Variants in KANK1 observed in about 807,000 individuals in gnomAD.
KANK1 encodes the protein KN motif and ankyrin repeat domains 1, also known as KN motif and ankyrin repeat domain-containing protein 1.
KANK1 carries 109 observed loss-of-function variants against 106.2 expected under a neutral mutation model. The observed-to-expected ratio is 1.03, with a 90% CI of 0.88 to 1.20. The LOEUF (loss-of-function observed/expected upper bound fraction) is 1.20, where lower values mean the gene tolerates loss of function less well. Ranked by LOEUF, KANK1 falls within the 50% of genes most tolerant of loss-of-function variation. The pLI is 0.00. For missense variants in KANK1, 2,399 were observed against 1,710.7 expected, an observed-to-expected ratio of 1.40 and a Z score of -7.10; for synonymous variants, 873 against 652.2, an observed-to-expected ratio of 1.34 and a Z score of -5.16.
chr9:727,391 C>G (rs1311817207), intron 3 of KANK1, among the ~76,000 whole-genome samples: 1 of 151,870 alleles, frequency 6.6e-6, no homozygotes, highest in Admixed American at 6.6e-5. Context: ...TCTTGGCTCA[C>G]TGCAACCTCT....
At chr9:545,353 G>A (rs946753700) in intron 1 of KANK1, among the ~76,000 whole-genome samples, 3 of 152,182 alleles carry the variant, frequency 2.0e-5, no homozygotes, top group Non-Finnish European at 2.9e-5. Context: ...GGAAATGTGA[G>A]CTTGAACCCT....
At chr9:576,665 G>T (rs1404563872) in intron 1 of KANK1, among the ~76,000 whole-genome samples, 3 of 152,098 alleles carry the variant, frequency 2.0e-5, no homozygotes, top group African/African-American at 4.8e-5. Flanking sequence ...TGCAGTTTGT[G>T]TTGGAGATAC....
At chr9:479,510 G>C (rs184593072) in intron 3 of KANK1, among the ~76,000 whole-genome samples, 9 of 142,064 alleles carry the variant, frequency 6.3e-5, no homozygotes, top group African/African-American at 2.0e-4. Context: ...TGGGGACGGA[G>C]GGACTAAGGG....
chr9:540,136 C>G (rs998625272), intron 1 of KANK1, among the ~76,000 whole-genome samples: 2 of 152,274 alleles, frequency 1.3e-5, no homozygotes, highest in African/African-American at 2.4e-5. Context: ...AGGCTTTCAG[C>G]TTTTTACCAC....
intron 1 of KANK1, among the ~76,000 whole-genome samples, chr9:545,809 G>A (rs546327346): frequency 2.1e-5 from 3 of 144,972 alleles, no homozygotes; most frequent in East Asian, 2.1e-4. Flanking sequence ...GCAGTGACTC[G>A]ATCTCGGCTC....
At chr9:650,390 G>A (rs1840622264) in intron 1 of KANK1, among the ~76,000 whole-genome samples, 1 of 152,186 alleles carries the variant, frequency 6.6e-6, no homozygotes, top group South Asian at 2.1e-4. Flanking sequence ...GCAAGGGAAA[G>A]TGGCTTAAAG....
intron 2 of KANK1, among the ~76,000 whole-genome samples, chr9:678,648 C>T (rs1329850725): frequency 1.3e-5 from 2 of 152,230 alleles, no homozygotes; most frequent in Admixed American, 1.3e-4. Context: ...ATGGCTGGAA[C>T]CTGGGAGGCA....
chr9:740,791 G>C lies in KANK1; in HGVS notation c.3554-1G>C. ...AGACTTTTTTTTTTTTTTTTTTACA[G>C]ATGTGTGTAATGTGGATCACCAGAA... On this transcript the variant is annotated splice_acceptor_variant, in intron 8 of 11. Coordinates refer to ENST00000382297, the MANE Select transcript of KANK1 (RefSeq NM_015158.5). LOFTEE classifies it high-confidence loss of function. 6.4e-7 allele frequency: 1 copy of C among 1,569,076 alleles called. No individual in the cohort carries two copies. Among genetic ancestry groups the C allele is most frequent in the Non-Finnish European group, 8.6e-7 (1 of 1,158,444 alleles).
chr9:487,673 T>C (rs984753627), intron 3 of KANK1: 1 of 152,168 alleles, frequency 6.6e-6, no homozygotes, highest in Non-Finnish European at 1.5e-5. Context: ...CTAGAGGTAA[T>C]TGAGAAGCTG....
chr9:715,274 G>T (rs1244536382), intron 3 of KANK1, among the ~76,000 whole-genome samples: 1 of 152,182 alleles, frequency 6.6e-6, no homozygotes, highest in African/African-American at 2.4e-5. Context: ...CTCAAACAGA[G>T]TCTGCAAGAA....
rs1306618939 is a variant in KANK1 at position 744,935 on chromosome 9, T to G, written c.3997-238T>G. 3 of 1,436,162 alleles carry G rather than the reference T, an allele frequency of 2.1e-6. No individual in the cohort carries two copies. In the East Asian group the frequency reaches 7.5e-5, roughly 36 times the overall value. 89.0% of individuals were successfully genotyped at this position (1,436,162 alleles called of 1,614,324 possible). A position where few individuals can be genotyped will look rare whatever the true frequency, so the allele number is the denominator to read the frequency against. ...CCTGAAGCAGATGGCAGGCAGCCTG[T>G]AGTCCACAGTTCACTCTGAGTGGGA... On this transcript the variant is annotated intron_variant, in intron 11 of 11. Transcript: ENST00000382297.
At chr9:616,948 A>G (rs149335961) in intron 1 of KANK1, among the ~76,000 whole-genome samples, 4 of 152,210 alleles carry the variant, frequency 2.6e-5, no homozygotes, top group Admixed American at 2.0e-4. Context: ...GAGGGTGGGG[A>G]TATGTGATTC....
At chr9:602,309 G>A (rs1179933832) in intron 1 of KANK1, among the ~76,000 whole-genome samples, 1 of 151,536 alleles carries the variant, frequency 6.6e-6, no homozygotes, top group East Asian at 1.9e-4. Flanking sequence ...TGCCAGGCTG[G>A]TGTGCAGTGG....
chr9:649,420 C>G lies in KANK1; in HGVS notation c.-83-27470C>G, dbSNP rs144287308. 2.5e-3 allele frequency among the ~76,000 whole-genome samples: 377 copies of G among 152,262 alleles called. 6 individuals carry two copies. The East Asian group carries it at 0.032, about 13-fold the overall frequency. On this transcript the variant is annotated intron_variant, in intron 1 of 11. Transcript: ENST00000382297. The stretch of plus-strand genomic sequence containing the variant: ...AGAAGAAAATTAAATGAAGAGCCAG[C>G]AAATTAGTGAAATTGTACAGATGTG...
intron 1 of KANK1, among the ~76,000 whole-genome samples, chr9:585,991 T>A (rs1370349032): frequency 6.6e-6 from 1 of 152,166 alleles, no homozygotes; most frequent in African/African-American, 2.4e-5. Flanking sequence ...TTGGAAGTTA[T>A]AAGACAAGAG....
At chr9:520,304 A>C (rs997535366) in intron 1 of KANK1, among the ~76,000 whole-genome samples, 1 of 151,726 alleles carries the variant, frequency 6.6e-6, no homozygotes, top group Non-Finnish European at 1.5e-5. Flanking sequence ...ATACCACTGC[A>C]CTCCAGCCTG....
chr9:731,303 C>T (rs748578943), intron 5 of KANK1, 37 bp downstream of exon 5: 4 of 1,257,776 alleles, frequency 3.2e-6, no homozygotes, highest in South Asian at 1.2e-5. Context: ...CTAATGCTGT[C>T]AGTCTCCTTT....
intron 1 of KANK1, among the ~76,000 whole-genome samples, chr9:506,638 G>A (rs1183761368): frequency 6.6e-6 from 1 of 152,104 alleles, no homozygotes; most frequent in Non-Finnish European, 1.5e-5. Flanking sequence ...TGGCCCCAAA[G>A]AAAGAAACCA....
Position 676,940 on chromosome 9 carries a change from C to G in KANK1, c.-33C>G. On this transcript the variant is annotated 5_prime_UTR_variant, in exon 2 of 12. Coordinates refer to ENST00000382297, the MANE Select transcript of KANK1 (RefSeq NM_015158.5). The stretch of plus-strand genomic sequence containing the variant: ...CATAAAATTTGCATGACTCCTCACT[C>G]CTTTCTGGATCTCTCATTGGACTCA... The G allele has an allele frequency of 6.2e-7, 1 of 1,606,462 alleles. No individual in the cohort carries two copies.
Sources: allele counts gnomAD v4.1 joint callset (sites outside exome capture counted in the v4.1 genomes callset), GRCh38; gene constraint gnomAD v4.1.1; transcripts MANE v1.5; gene names NCBI Gene and HGNC (gene_info 2026-07-23, HGNC 2026-07-21).